The following KATNBL1 variants were observed in gnomAD, a reference collection of about 807,000 sequenced individuals.
KATNBL1 encodes katanin regulatory subunit B1 like 1.
Under a neutral mutation model 44.7 loss-of-function variants are expected in KATNBL1, and 28 were observed. The observed-to-expected ratio is 0.63, with a 90% CI of 0.46 to 0.86. The LOEUF is 0.86. KATNBL1 is among the 40% of genes least tolerant of loss of function. The pLI, the probability that KATNBL1 is intolerant of heterozygous loss-of-function variation, is 0.00. For missense variants in KATNBL1, 272 were observed against 350.7 expected (o/e 0.78, Z 1.79); for synonymous variants, 78 against 114.9 (o/e 0.68, Z 2.06).
chr15:34,191,808 G>A (rs1308666191), intron 1 of KATNBL1, among the ~76,000 whole-genome samples: 3 of 151,836 alleles, frequency 2.0e-5, no homozygotes, highest in African/African-American at 7.3e-5. Flanking sequence ...TTAGCTGGGC[G>A]TGGTGGCGGG....
chr15:34,199,832 GAAAGAACAAAGT>G (rs1890129230), intron 1 of KATNBL1: 1 of 316 alleles, frequency 3.2e-3, no homozygotes, highest in Non-Finnish European at 0.025. Flanking sequence ...TGTGAAGACG[GAAAGAACAAAGT>G]ACGGAAAGAA....
intron 2 of KATNBL1, among the ~76,000 whole-genome samples, chr15:34,158,515 G>C (rs1363187421): frequency 2.0e-5 from 3 of 152,220 alleles, no homozygotes; most frequent in Admixed American, 1.3e-4. Context: ...TGATGTCCTG[G>C]GACATGGACA....
intron 1 of KATNBL1, among the ~76,000 whole-genome samples, chr15:34,195,684 C>T (rs1390955587): frequency 7.4e-6 from 1 of 135,034 alleles, no homozygotes; most frequent in African/African-American, 3.3e-5. Context: ...GAGAGAGACG[C>T]CATCTCAAAA....
At chr15:34,198,670 A>G (rs947241677) in intron 1 of KATNBL1, among the ~76,000 whole-genome samples, 8 of 152,234 alleles carry the variant, frequency 5.3e-5, no homozygotes, top group Middle Eastern at 3.2e-3. Flanking sequence ...ACAAAGAACA[A>G]CAACAAAAAA....
chr15:34,184,416 G>C (rs192756831), intron 1 of KATNBL1, among the ~76,000 whole-genome samples: 21 of 150,512 alleles, frequency 1.4e-4, no homozygotes, highest in African/African-American at 5.1e-4. Context: ...ACAGTGAGCT[G>C]AGATCGCTAC....
intron 1 of KATNBL1, among the ~76,000 whole-genome samples, chr15:34,179,458 G>T (rs933682512): frequency 2.6e-5 from 4 of 152,054 alleles, no homozygotes; most frequent in African/African-American, 9.7e-5. Context: ...TTTCCAACAC[G>T]TGAACTCTGG....
intron 4 of KATNBL1, among the ~76,000 whole-genome samples, chr15:34,148,999 G>C (rs1271005514): frequency 6.6e-6 from 1 of 152,070 alleles, no homozygotes; most frequent in Non-Finnish European, 1.5e-5. Flanking sequence ...ATTATTTTTA[G>C]CTGACCTATA....
chr15:34,145,575 G>A, intron 8 of KATNBL1, 84 bp from the exon 9 acceptor site: 1 of 1,168,582 alleles, frequency 8.6e-7, no homozygotes, highest in Middle Eastern at 2.2e-4. Context: ...AATAAAAACT[G>A]TTCTAAAATT....
chr15:34,147,409 C>T lies in KATNBL1; in HGVS notation c.579G>A (p.Val193=). The T allele has an allele frequency of 6.2e-7, 1 of 1,613,064 alleles. No individual in the cohort carries two copies. The highest frequency in any genetic ancestry group is 1.1e-5 in the South Asian group (1 of 91,020). The part of the protein sequence containing the change: ...YLLRIEDLGV[V]VDCLPVLTNC... The stretch of plus-strand genomic sequence containing the variant: ...TGGTGAGCACAGGAAGGCAATCTAC[C>T]ACAACGCCAAGATCTTCTATCCTGA... Residue 193 remains valine, a synonymous_variant, in exon 6 of 10, where the codon GTG becomes GTA. Coordinates refer to ENST00000256544, the MANE Select transcript of KATNBL1 (RefSeq NM_024713.3).
rs761960678 is a variant in KATNBL1 at position 34,145,511 on chromosome 15, GA to G, written c.789-21del. The G allele has an allele frequency of 7.1e-6, 10 of 1,407,108 alleles. No individual in the cohort carries two copies. The highest frequency in any genetic ancestry group is 1.7e-5 in the South Asian group (1 of 58,242). 87.2% of individuals were successfully genotyped at this position (1,407,108 alleles called of 1,614,324 possible). A position where few individuals can be genotyped will look rare whatever the true frequency, so the allele number is the denominator to read the frequency against. On this transcript the variant is annotated intron_variant, in intron 8 of 9. Coordinates refer to ENST00000256544, the MANE Select transcript of KATNBL1 (RefSeq NM_024713.3). ...ATATTTCTAAAAGAAAAAAAAGGAA[GA>G]AAAATGAGAAAGCAAATACATTAAG...
intron 2 of KATNBL1, among the ~76,000 whole-genome samples, chr15:34,162,233 A>C (rs1173016330): frequency 6.6e-6 from 1 of 152,180 alleles, no homozygotes; most frequent in Non-Finnish European, 1.5e-5. Context: ...GGAGGGACTC[A>C]GTGGGAGATA....
intron 5 of KATNBL1, among the ~76,000 whole-genome samples, chr15:34,147,665 G>C (rs1286142005): frequency 6.6e-6 from 1 of 151,980 alleles, no homozygotes; most frequent in Non-Finnish European, 1.5e-5. Context: ...CAAATAACAA[G>C]ACATAAGACA....
intron 1 of KATNBL1, chr15:34,199,458 T>C (rs1411494873): frequency 6.6e-6 from 1 of 152,044 alleles, no homozygotes; most frequent in African/African-American, 2.4e-5. Flanking sequence ...AGACTATAGA[T>C]TTACCAAATT....
At chr15:34,203,034 C>G (rs1890209885) in intron 1 of KATNBL1, among the ~76,000 whole-genome samples, 1 of 152,024 alleles carries the variant, frequency 6.6e-6, no homozygotes, top group African/African-American at 2.4e-5. Flanking sequence ...CATACTGTTT[C>G]ACCTAAACTC....
At position 34,181,539 on chromosome 15, in the gene KATNBL1, C is replaced by G. The variant is rs189770588; in HGVS notation, c.-14-17849G>C. ...TAGAAGGGAGAAAACACAAAACATT[C>G]CAGCATATACATATATATGTCCATA... is the stretch of plus-strand genomic sequence containing the variant. On this transcript the variant is annotated intron_variant, in intron 1 of 9. Transcript: ENST00000256544. Among the ~76,000 whole-genome samples the G allele has an allele frequency of 2.4e-3, 346 of 145,942 alleles. 2 individuals carry two copies. Among genetic ancestry groups the G allele is most frequent in the Non-Finnish European group, 4.0e-3 (262 of 66,010 alleles).
rs1597419203 is a variant in KATNBL1, at chr15:34,142,231, T to C, written c.*108A>G. Reference sequence around the variant, plus strand: ...GGCTTTTTAAAAGAAAAAATAGTTTTGATTTCTTCCACAGTTCACAGTTCT... The same window carrying C: ...GGCTTTTTAAAAGAAAAAATAGTTTCGATTTCTTCCACAGTTCACAGTTCT... On this transcript the variant is annotated 3_prime_UTR_variant, in exon 10 of 10. Transcript: ENST00000256544. The C allele has an allele frequency of 1.8e-5, 21 of 1,135,710 alleles. No homozygotes were observed. The East Asian group carries it at 5.4e-4, about 29-fold the overall frequency. The allele number at this position is 1,135,710 out of a possible 1,614,324, so 70.4% of individuals were successfully genotyped here.
intron 1 of KATNBL1, among the ~76,000 whole-genome samples, chr15:34,196,963 G>C (rs541377732): frequency 1.3e-5 from 2 of 152,260 alleles, no homozygotes; most frequent in South Asian, 4.1e-4. Context: ...TAATTTCATG[G>C]AAACAATATA....
At chr15:34,173,662 G>A (rs1235908205) in intron 1 of KATNBL1, among the ~76,000 whole-genome samples, 1 of 152,020 alleles carries the variant, frequency 6.6e-6, no homozygotes, top group Non-Finnish European at 1.5e-5. Context: ...CAGAAGTAGA[G>A]GAAAACTGGT....
chr15:34,179,724 C>T (rs1157242744), intron 1 of KATNBL1, among the ~76,000 whole-genome samples: 1 of 152,078 alleles, frequency 6.6e-6, no homozygotes, highest in East Asian at 1.9e-4. Context: ...TCTATCCAAT[C>T]AAAAAAGGTC....
Sources: allele counts gnomAD v4.1 joint callset (sites outside exome capture counted in the v4.1 genomes callset), GRCh38; gene constraint gnomAD v4.1.1; transcripts MANE v1.5; gene names NCBI Gene and HGNC (gene_info 2026-07-23, HGNC 2026-07-21).